The following ASXL2 variants were observed in gnomAD, a reference collection of about 807,000 sequenced individuals.
ASXL2 encodes putative Polycomb group protein ASXL2.
In ASXL2, 23 loss-of-function variants were observed where a neutral mutation model predicts 122.0. The observed-to-expected ratio is 0.19, with a 90% CI of 0.14 to 0.27. The LOEUF is 0.27. ASXL2 is among the 10% of genes least tolerant of loss of function. ASXL2 has a pLI of 1.00. For synonymous variants in ASXL2, 650 were observed against 637.0 expected, an observed-to-expected ratio of 1.02 and a Z score of -0.31; for missense variants, 1,518 against 1,713.8, an observed-to-expected ratio of 0.89 and a Z score of 2.02.
chr2:25,864,553 A>C (rs2089877497), intron 1 of ASXL2, among the ~76,000 whole-genome samples: 1 of 152,126 alleles, frequency 6.6e-6, no homozygotes, highest in South Asian at 2.1e-4. Context: ...AAAATGAACT[A>C]TAAAAGGAAG....
In ASXL2 at chr2:25,738,067, C is replaced by T. The variant is rs2087765524; in HGVS notation, c.*3962G>A. On this transcript the variant is annotated 3_prime_UTR_variant, in exon 13 of 13. Coordinates refer to ENST00000435504, the MANE Select transcript of ASXL2 (RefSeq NM_018263.6). The stretch of plus-strand genomic sequence containing the variant: ...CATTTTTCTGAAATAATCTGAGTGT[C>T]TTTAGAGTAACTTCCTTTGAAATAA... 1 of 152,110 alleles carries T rather than the reference C, an allele frequency of 6.6e-6. No homozygotes were observed. The highest frequency in any genetic ancestry group is 1.5e-5 in the Non-Finnish European group (1 of 67,990). The allele number at this position is 152,110 out of a possible 1,614,324, so 9.4% of individuals were successfully genotyped here. A position where few individuals can be genotyped will look rare whatever the true frequency, so the allele number is the denominator to read the frequency against.
chr2:25,742,076 AATC>A lies in ASXL2; in HGVS notation c.4258_4260del (p.Asp1420del). The A allele has an allele frequency of 6.2e-7, 1 of 1,613,966 alleles. No individual in the cohort carries two copies. Among genetic ancestry groups the A allele is most frequent in the Non-Finnish European group, 8.5e-7 (1 of 1,179,894 alleles). ...ACGCACAGTTTGGAGGGGCCGATGC[AATC>A]ATCATGGCAGAAAGCGCCACAGCCT... On this transcript the variant is annotated inframe_deletion, in exon 13 of 13. Coordinates refer to ENST00000435504, the MANE Select transcript of ASXL2 (RefSeq NM_018263.6).
chr2:25,846,723 T>C (rs1279732670), intron 1 of ASXL2, among the ~76,000 whole-genome samples: 1 of 151,924 alleles, frequency 6.6e-6, no homozygotes, highest in East Asian at 1.9e-4. Context: ...GGCCGAGATG[T>C]GAGAATAGCT....
At chr2:25,846,235 T>C (rs2089646770) in intron 1 of ASXL2, among the ~76,000 whole-genome samples, 1 of 152,104 alleles carries the variant, frequency 6.6e-6, no homozygotes, top group South Asian at 2.1e-4. Flanking sequence ...TTATCTGGGT[T>C]TTTCCCCCCT....
chr2:25,787,995 A>C (rs901109385), intron 5 of ASXL2, among the ~76,000 whole-genome samples: 1 of 152,086 alleles, frequency 6.6e-6, no homozygotes, highest in African/African-American at 2.4e-5. Context: ...AAAGTAATTA[A>C]AACAGGGTGG....
intron 8 of ASXL2, among the ~76,000 whole-genome samples, chr2:25,764,030 C>A (rs1316486957): frequency 1.3e-5 from 2 of 152,076 alleles, no homozygotes; most frequent in Non-Finnish European, 2.9e-5. Context: ...GAATAAATTA[C>A]AATAAAATTT....
rs150504849 is a variant in ASXL2 at position 25,857,564 on chromosome 2, T to C, written c.58-12001A>G. 4.7e-3 allele frequency among the ~76,000 whole-genome samples: 717 copies of C among 152,314 alleles called. 3 individuals carry two copies. Among genetic ancestry groups the C allele is most frequent in the Non-Finnish European group, 7.9e-3 (535 of 68,026 alleles). ...AGGCAGGCACTCTCCTGCTTCAGAA[T>C]CTTTGCACCATCTACTCCACCAATG... On this transcript the variant is annotated intron_variant, in intron 1 of 12. Transcript: ENST00000435504.
At chr2:25,771,846 C>A (rs151050625) in intron 5 of ASXL2, among the ~76,000 whole-genome samples, 98 of 152,262 alleles carry the variant, frequency 6.4e-4, no homozygotes, top group African/African-American at 2.1e-3. Context: ...AGGAAAGATT[C>A]TAGGGCCTTT....
At chr2:25,767,820 G>A (rs1210909088) in intron 7 of ASXL2, 94 bp from the exon 8 acceptor site, 3 of 1,421,736 alleles carry the variant, frequency 2.1e-6, no homozygotes, top group Non-Finnish European at 1.9e-6. Flanking sequence ...ATGAAGTTAT[G>A]TATGAGGCAA....
chr2:25,806,837 A>G (rs1314308383), intron 3 of ASXL2, among the ~76,000 whole-genome samples: 1 of 152,110 alleles, frequency 6.6e-6, no homozygotes, highest in Non-Finnish European at 1.5e-5. Flanking sequence ...CTGAATATTT[A>G]TATGTAGCAA....
rs932758012 is a variant in ASXL2 at position 25,740,167 on chromosome 2, C to A, written c.*1862G>T. 1.8e-5 allele frequency: 4 copies of A among 221,384 alleles called. No homozygotes were observed. The highest frequency in any genetic ancestry group is 2.7e-5 in the Non-Finnish European group (3 of 110,772). The allele number at this position is 221,384 out of a possible 1,614,324, so 13.7% of individuals were successfully genotyped here. ...ACACAGATATTAATCCTATATTGGC[C>A]TTGGGCCACAAAAAAGCCAGAAGTG... On this transcript the variant is annotated 3_prime_UTR_variant, in exon 13 of 13. Transcript: ENST00000435504.
intron 4 of ASXL2, among the ~76,000 whole-genome samples, chr2:25,801,478 T>A (rs1245109522): frequency 2.6e-5 from 4 of 152,240 alleles, no homozygotes; most frequent in Non-Finnish European, 5.9e-5. Flanking sequence ...GAGCCGTCTC[T>A]TATGTTATAC....
chr2:25,860,897 A>G (rs1379970249), intron 1 of ASXL2, among the ~76,000 whole-genome samples: 1 of 151,770 alleles, frequency 6.6e-6, no homozygotes, highest in Non-Finnish European at 1.5e-5. Flanking sequence ...TTGTAGTCCC[A>G]GCTACTTGGG....
chr2:25,853,399 G>A (rs2089741048), intron 1 of ASXL2, among the ~76,000 whole-genome samples: 1 of 152,192 alleles, frequency 6.6e-6, no homozygotes, highest in Non-Finnish European at 1.5e-5. Flanking sequence ...TGTGTCCTGA[G>A]ATGCACTTTT....
At chr2:25,810,426 C>T (rs1320424051) in intron 3 of ASXL2, 4 of 696,488 alleles carry the variant, frequency 5.7e-6, no homozygotes, top group Admixed American at 2.0e-5. Flanking sequence ...CCGCTTCTTC[C>T]GGCTTTTGCA....
intron 12 of ASXL2, among the ~76,000 whole-genome samples, chr2:25,746,405 AT>A (rs2087941976): frequency 6.6e-6 from 1 of 151,950 alleles, no homozygotes; most frequent in Non-Finnish European, 1.5e-5. Context: ...TAGATAGTAT[AT>A]TTACTCATCA....
At position 25,784,536 on chromosome 2, in the gene ASXL2, T is replaced by C. The variant is rs181503651; in HGVS notation, c.404-12996A>G. 2.0e-5 allele frequency among the ~76,000 whole-genome samples: 3 copies of C among 152,334 alleles called. No individual in the cohort carries two copies. The East Asian group carries it at 5.8e-4, about 29-fold the overall frequency. On this transcript the variant is annotated intron_variant, in intron 5 of 12. Transcript: ENST00000435504. ...TAGGTGGTATAAAACAAGACACTTATTCCTTCACAGTTCTGGAGGCTGAAA... is the reference window on the plus strand; with the variant it reads ...TAGGTGGTATAAAACAAGACACTTACTCCTTCACAGTTCTGGAGGCTGAAA...
Position 25,744,587 on chromosome 2 carries a change from T to C in ASXL2, c.1861-111A>G, listed in dbSNP as rs2087908471. The C allele has an allele frequency of 1.1e-5, 13 of 1,228,022 alleles. No homozygotes were observed. Among genetic ancestry groups the C allele is most frequent in the South Asian group, 1.6e-5 (1 of 62,172 alleles). The allele number at this position is 1,228,022 out of a possible 1,614,324, so 76.1% of individuals were successfully genotyped here. A position where few individuals can be genotyped will look rare whatever the true frequency, so the allele number is the denominator to read the frequency against. On this transcript the variant is annotated intron_variant, in intron 12 of 12. Coordinates refer to ENST00000435504, the MANE Select transcript of ASXL2 (RefSeq NM_018263.6). This position sits in a 1 kb window ranked among gnomAD's most constrained non-coding sequence, Gnocchi z 4.7. Reference sequence around the variant, plus strand: ...AAACAGATGAACACTACAGTACCTGTGACAAACATGGGTGGTCTATGGCCG... The same window carrying C: ...AAACAGATGAACACTACAGTACCTGCGACAAACATGGGTGGTCTATGGCCG...
chr2:25,863,464 G>A (rs535648045), intron 1 of ASXL2, among the ~76,000 whole-genome samples: 15 of 149,908 alleles, frequency 1.0e-4, no homozygotes, highest in African/African-American at 3.7e-4. Flanking sequence ...AGGCCGAGGC[G>A]GGTAGATCAT....
Sources: gnomAD v4.1 joint callset for allele counts (sites outside exome capture counted in the v4.1 genomes callset) on GRCh38, gnomAD v4.1.1 for gene constraint, Gnocchi (gnomAD v3.1) non-coding constraint, MANE v1.5 for transcripts, NCBI Gene and HGNC (gene_info 2026-07-23, HGNC 2026-07-21) for gene names.